The following ZNF28 variants were observed in gnomAD, a reference collection of about 807,000 sequenced individuals.
ZNF28 encodes the protein zinc finger protein 28.
Under a neutral mutation model 7.2 loss-of-function variants are expected in ZNF28, and 5 were observed. That is an observed-to-expected ratio of 0.70 (90% confidence interval 0.36 to 1.46). The LOEUF is 1.46. Ranked by LOEUF, ZNF28 falls within the 40% of genes most tolerant of loss-of-function variation. The pLI, the probability that ZNF28 is intolerant of heterozygous loss-of-function variation, is 0.03. For missense variants in ZNF28, 879 were observed against 866.6 expected (o/e 1.01, Z -0.18); for synonymous variants, 288 against 292.4 (o/e 0.99, Z 0.15).
intron 2 of ZNF28, among the ~76,000 whole-genome samples, chr19:52,808,974 C>G (rs1600448564): frequency 6.6e-6 from 1 of 152,090 alleles, no homozygotes; most frequent in East Asian, 1.9e-4. Flanking sequence ...AAAAGATTTT[C>G]AAAATATATA....
At chr19:52,811,182 G>C (rs1018046622) in intron 2 of ZNF28, among the ~76,000 whole-genome samples, 7 of 150,786 alleles carry the variant, frequency 4.6e-5, no homozygotes, top group Admixed American at 3.3e-4. Context: ...ATGGAGTCTC[G>C]TTCACTCAGT....
chr19:52,806,365 TG>T (rs1434243194), intron 3 of ZNF28, among the ~76,000 whole-genome samples: 15 of 152,070 alleles, frequency 9.9e-5, no homozygotes, highest in African/African-American at 3.6e-4. Context: ...GGCTAATTTT[TG>T]TAACTTTAGT....
intron 3 of ZNF28, chr19:52,805,643 A>ATAAAAATAAATAAAT (rs1555805192): frequency 7.1e-6 from 1 of 140,302 alleles, no homozygotes; most frequent in Non-Finnish European, 1.5e-5. Context: ...AATAATAATA[A>ATAAAAATAAATAAAT]AAATAAATAA....
intron 2 of ZNF28, chr19:52,809,736 AG>A (rs1568654279): frequency 2.4e-6 from 1 of 411,660 alleles, no homozygotes; most frequent in Admixed American, 4.4e-5. Context: ...ACCCAGGAGG[AG>A]GGGGTTGCAG....
intron 3 of ZNF28, among the ~76,000 whole-genome samples, chr19:52,803,899 G>A (rs1460418733): frequency 6.6e-6 from 1 of 152,192 alleles, no homozygotes; most frequent in Non-Finnish European, 1.5e-5. Flanking sequence ...GAAGGTTGCA[G>A]TGAGCTGAGA....
chr19:52,803,634 A>G (rs2062901190), intron 3 of ZNF28, among the ~76,000 whole-genome samples: 1 of 152,216 alleles, frequency 6.6e-6, no homozygotes, highest in Non-Finnish European at 1.5e-5. Context: ...ACTTTCTGAT[A>G]TATGAGGTCA....
At position 52,798,630 on chromosome 19, in the gene ZNF28, T is replaced by C. The variant is rs1568643208; in HGVS notation, c.*1058A>G. 2.6e-6 allele frequency: 1 copy of C among 382,792 alleles called. No homozygotes were observed. The highest frequency in any genetic ancestry group is 2.0e-5 in the South Asian group (1 of 51,270). The allele number at this position is 382,792 out of a possible 1,614,324, so 23.7% of individuals were successfully genotyped here. A position where few individuals can be genotyped will look rare whatever the true frequency, so the allele number is the denominator to read the frequency against. ...AGTTTCTCTCCTGTATGAATCCTCC[T>C]ATGTTTTGCATAGGATGAAACTTGA... On this transcript the variant is annotated 3_prime_UTR_variant, in exon 4 of 4. Transcript: ENST00000457749.
intron 2 of ZNF28, among the ~76,000 whole-genome samples, chr19:52,811,749 C>T (rs1249592830): frequency 2.3e-4 from 34 of 147,140 alleles, no homozygotes; most frequent in African/African-American, 5.3e-5. Context: ...CCGCCCCGTC[C>T]GGGAGGGAGG....
In ZNF28 at chr19:52,810,523, C is replaced by T. The variant is rs564422858; in HGVS notation, c.16-2390G>A. The T allele has an allele frequency of 8.1e-6, 13 of 1,595,780 alleles. No homozygotes were observed. In the South Asian group the frequency reaches 1.3e-4, roughly 16 times the overall value. On this transcript the variant is annotated intron_variant, in intron 2 of 3. Coordinates refer to ENST00000457749, the MANE Select transcript of ZNF28 (RefSeq NM_006969.5). ...TTAGAGGAAGGCAAATCAAGGTGAT[C>T]CCAAAGCGAACCAACAGACCAGGCA... is the stretch of plus-strand genomic sequence containing the variant.
chr19:52,808,057 G>C lies in ZNF28; in HGVS notation c.92C>G (p.Thr31Ser). Residue 31 changes from threonine (T) to serine (S), a missense_variant, in exon 3 of 4, where the codon ACT (threonine) becomes AGT (serine). Thr to Ser is a moderately conservative substitution (Grantham distance 58, BLOSUM62 1). This residue lies in a region of ZNF28 where 864 missense variants were observed against 830.2 expected (regional missense o/e 1.04). Coordinates refer to ENST00000457749, the MANE Select transcript of ZNF28 (RefSeq NM_006969.5). ...CTCCAGCATCACATCCCTGTAAAGA[G>C]TCCTCTGAGCAGGGTCCAGGCATTT... The part of the protein sequence containing the change: ...EWKCLDPAQR[T>S]LYRDVMLENY... The C allele has an allele frequency of 6.2e-7, 1 of 1,613,586 alleles. No homozygotes were observed. The highest frequency in any genetic ancestry group is 1.1e-5 in the South Asian group (1 of 91,074).
At chr19:52,821,084 G>A (rs1167273530) in intron 1 of ZNF28, among the ~76,000 whole-genome samples, 1 of 152,126 alleles carries the variant, frequency 6.6e-6, no homozygotes, top group African/African-American at 2.4e-5. Context: ...CGGTGACTGC[G>A]GAGGGGAGAT....
At chr19:52,810,494 C>G in intron 2 of ZNF28, 1 of 1,585,566 alleles carries the variant, frequency 6.3e-7, no homozygotes, top group Non-Finnish European at 8.7e-7. Context: ...GGATGAGTCC[C>G]TATTTAGAGG....
chr19:52,802,407 T>C (rs1223230826), intron 3 of ZNF28, among the ~76,000 whole-genome samples: 3 of 151,300 alleles, frequency 2.0e-5, no homozygotes. Context: ...AGGCAGGGCA[T>C]GGTGGCTCAT....
At chr19:52,817,491 A>G (rs1466596331) in intron 2 of ZNF28, among the ~76,000 whole-genome samples, 4 of 152,160 alleles carry the variant, frequency 2.6e-5, no homozygotes, top group African/African-American at 9.6e-5. Context: ...AATTACCTAA[A>G]AATGTGGTAT....
chr19:52,808,098 G>A lies in ZNF28; in HGVS notation c.51C>T (p.Phe17=). The A allele has an allele frequency of 6.2e-7, 1 of 1,613,382 alleles. No homozygotes were observed. Among genetic ancestry groups the A allele is most frequent in the South Asian group, 1.1e-5 (1 of 91,072 alleles). ...CCAGGCATTTCCACTCCTCCTGAGA[G>A]AATTCTATGGCCACGTCCCTGAATG... ...LLTFRDVAIE[F]SQEEWKCLDP... The change falls in exon 3 of 4, where the codon TTC becomes TTT. Residue 17 remains phenylalanine (F), a synonymous_variant. Transcript: ENST00000457749.
chr19:52,807,208 C>G (rs2062947886), intron 3 of ZNF28, among the ~76,000 whole-genome samples: 1 of 150,648 alleles, frequency 6.6e-6, no homozygotes, highest in South Asian at 2.1e-4. Context: ...CAGAAAGAGA[C>G]TCCTGCTTAT....
At position 52,800,056 on chromosome 19, in the gene ZNF28, G is replaced by T; in HGVS notation, c.1789C>A (p.His597Asn). Residue 597 changes from histidine (H) to asparagine (N), a missense_variant, in exon 4 of 4, where the codon CAT (histidine) becomes AAT (asparagine). Transcript: ENST00000457749. The stretch of plus-strand genomic sequence containing the variant: ...TTCTCTCCAGTATGAACTCTCTGAT[G>T]TTGTGCCAGGTGTGAATCCCTCCGG... ...AFRRDSHLAQ[H>N]QRVHTGEKPY... The T allele has an allele frequency of 6.2e-7, 1 of 1,614,160 alleles. No individual in the cohort carries two copies. Among genetic ancestry groups the T allele is most frequent in the East Asian group, 2.2e-5 (1 of 44,886 alleles).
intron 3 of ZNF28, among the ~76,000 whole-genome samples, chr19:52,807,662 A>T (rs1464743664): frequency 1.3e-5 from 2 of 152,180 alleles, no homozygotes; most frequent in African/African-American, 4.8e-5. Flanking sequence ...TTTAGTACAG[A>T]CAGGGTTTCT....
chr19:52,811,680 G>A (rs1222574076), intron 2 of ZNF28, among the ~76,000 whole-genome samples: 1 of 148,246 alleles, frequency 6.7e-6, no homozygotes, highest in Admixed American at 6.6e-5. Context: ...GAGAAGTGAG[G>A]AGCCCCTCCG....
Sources: gnomAD v4.1 joint callset for allele counts (sites outside exome capture counted in the v4.1 genomes callset) on GRCh38, gnomAD v4.1.1 for gene constraint, gnomAD v4.1.1 regional missense constraint, MANE v1.5 for transcripts, NCBI Gene and HGNC (gene_info 2026-07-23, HGNC 2026-07-21) for gene names.